The following PALM2AKAP2 variants were observed in gnomAD, a reference collection of about 807,000 sequenced individuals.
PALM2AKAP2 encodes the protein PALM2 and AKAP2 fusion.
PALM2AKAP2 carries 37 observed loss-of-function variants against 71.5 expected under a neutral mutation model. The ratio of observed to expected loss-of-function variants is 0.52; its 90% CI spans 0.40 to 0.68. The LOEUF (loss-of-function observed/expected upper bound fraction) is 0.68, where lower values mean the gene tolerates loss of function less well. Among genes scored for constraint, PALM2AKAP2 ranks in the 30% least tolerant of loss-of-function variants. PALM2AKAP2 has a pLI of 0.00. For synonymous variants in PALM2AKAP2, 468 were observed against 478.8 expected, an observed-to-expected ratio of 0.98 and a Z score of 0.29; for missense variants, 1,224 against 1,191.8, an observed-to-expected ratio of 1.03 and a Z score of -0.40.
At chr9:109,655,982 A>G (rs1019351528) in intron 1 of PALM2AKAP2, among the ~76,000 whole-genome samples, 3 of 152,254 alleles carry the variant, frequency 2.0e-5, no homozygotes, top group Admixed American at 6.5e-5. Context: ...ATGAGCCAGT[A>G]CAGTATTTTC....
intron 2 of PALM2AKAP2, among the ~76,000 whole-genome samples, chr9:110,153,678 C>G (rs1564337517): frequency 6.6e-6 from 1 of 152,230 alleles, no homozygotes; most frequent in Non-Finnish European, 1.5e-5. Context: ...CTGCTGGGAT[C>G]TGGCAATGAT....
At position 110,138,458 on chromosome 9, in the gene PALM2AKAP2, C is replaced by T; in HGVS notation, c.2488C>T (p.Gln830Ter). 6.2e-7 allele frequency: 1 copy of T among 1,614,230 alleles called. No individual in the cohort carries two copies. The highest frequency in any genetic ancestry group is 2.2e-5 in the East Asian group (1 of 44,884). Residue 830 changes from glutamine to a stop codon, truncating the protein, a stop_gained, in exon 2 of 4, where the codon CAA (glutamine) becomes TAA (stop). Coordinates refer to ENST00000374525, the Ensembl canonical transcript of PALM2AKAP2. LOFTEE classifies it high-confidence loss of function. ...GGAAGAGGAGCTGAAGAGGCAGAGA[C>T]AAGTCTTGCAGAGTACGCAGAGCCC... is the stretch of plus-strand genomic sequence containing the variant.
At chr9:109,979,097 A>G (rs1305168543) in intron 6 of PALM2AKAP2, among the ~76,000 whole-genome samples, 1 of 151,682 alleles carries the variant, frequency 6.6e-6, no homozygotes, top group Non-Finnish European at 1.5e-5. Context: ...GTTTCAAGCA[A>G]TCTTCCCACC....
intron 1 of PALM2AKAP2, among the ~76,000 whole-genome samples, chr9:109,841,290 C>T (rs1828661081): frequency 6.7e-6 from 1 of 148,770 alleles, no homozygotes; most frequent in African/African-American, 2.5e-5. Context: ...ACCGCATGTT[C>T]TCACTCATAG....
rs141400994 is a variant in PALM2AKAP2 at position 109,773,038 on chromosome 9, A to C, written c.6-7450A>C. On this transcript the variant is annotated intron_variant, in intron 1 of 6. Coordinates refer to the PALM2AKAP2 transcript ENST00000374531. Reference sequence around the variant, plus strand: ...GAGGCTAAGGCCGGAGAATGGCGTGAACCTGGAAGGCAGAGCTTGCAGTGA... The same window carrying C: ...GAGGCTAAGGCCGGAGAATGGCGTGCACCTGGAAGGCAGAGCTTGCAGTGA... 3.3e-3 allele frequency among the ~76,000 whole-genome samples: 499 copies of C among 152,318 alleles called. 3 individuals are homozygous for C. Among genetic ancestry groups the C allele is most frequent in the Non-Finnish European group, 4.9e-3 (330 of 68,022 alleles).
intron 1 of PALM2AKAP2, among the ~76,000 whole-genome samples, chr9:110,081,072 C>T (rs1834438109): frequency 6.6e-6 from 1 of 152,138 alleles, no homozygotes; most frequent in African/African-American, 2.4e-5. Context: ...TTGAATCCTT[C>T]CGGAGACTGA....
intron 1 of PALM2AKAP2, among the ~76,000 whole-genome samples, chr9:109,726,013 A>G (rs1368542277): frequency 1.3e-5 from 2 of 152,146 alleles, no homozygotes; most frequent in Non-Finnish European, 2.9e-5. Flanking sequence ...CATGTTTTCA[A>G]TTCTATAGCT....
intron 7 of PALM2AKAP2, among the ~76,000 whole-genome samples, chr9:110,030,365 T>C (rs1833258584): frequency 6.6e-6 from 1 of 152,172 alleles, no homozygotes; most frequent in South Asian, 2.1e-4. Context: ...GAGTTGCTAA[T>C]GGCAACTCAA....
chr9:110,037,752 G>A (rs1330615370), intron 7 of PALM2AKAP2, among the ~76,000 whole-genome samples: 1 of 152,194 alleles, frequency 6.6e-6, no homozygotes, highest in Non-Finnish European at 1.5e-5. Context: ...AACAAGGTAG[G>A]CAAGACTATA....
At chr9:110,074,440 A>C (rs1385207008) in intron 1 of PALM2AKAP2, among the ~76,000 whole-genome samples, 3 of 152,186 alleles carry the variant, frequency 2.0e-5, no homozygotes, top group Admixed American at 1.3e-4. Flanking sequence ...ATTAGTAAGA[A>C]CATCATTGGG....
Position 109,854,144 on chromosome 9 carries a change from T to C in PALM2AKAP2, c.46-13347T>C, listed in dbSNP as rs1829091730. On this transcript the variant is annotated intron_variant, in intron 1 of 9. Transcript: ENST00000302798. ...AGTGAGAAGCAGTACCTTTCCCTTG[T>C]TCCCTGCTGAACCACCAGGGTCACT... 3.3e-5 allele frequency among the ~76,000 whole-genome samples: 5 copies of C among 152,288 alleles called. No individual in the cohort carries two copies. In the South Asian group the frequency reaches 6.2e-4, roughly 19 times the overall value.
At chr9:110,165,138 A>ACAT (rs1836702873) in intron 3 of PALM2AKAP2, among the ~76,000 whole-genome samples, 1 of 152,242 alleles carries the variant, frequency 6.6e-6, no homozygotes, top group Non-Finnish European at 1.5e-5. Context: ...TCAAACAGTA[A>ACAT]CATCGTACTT....
chr9:110,087,877 G>A (rs1457403878), intron 1 of PALM2AKAP2, among the ~76,000 whole-genome samples: 1 of 152,174 alleles, frequency 6.6e-6, no homozygotes, highest in Non-Finnish European at 1.5e-5. Flanking sequence ...GTGGTAATAA[G>A]TGCTGAGAAG....
chr9:110,059,480 T>C (rs775338382), intron 1 of PALM2AKAP2, among the ~76,000 whole-genome samples: 1 of 152,242 alleles, frequency 6.6e-6, no homozygotes, highest in Non-Finnish European at 1.5e-5. Context: ...TCTAGACAAG[T>C]TTTGGAACCC....
intron 1 of PALM2AKAP2, among the ~76,000 whole-genome samples, chr9:109,652,876 G>A (rs567531144): frequency 6.6e-6 from 1 of 152,294 alleles, no homozygotes; most frequent in African/African-American, 2.4e-5. Context: ...ATCTGTCAGA[G>A]GCACATAGCC....
chr9:109,692,286 T>C (rs1284550731), intron 1 of PALM2AKAP2, among the ~76,000 whole-genome samples: 7 of 151,900 alleles, frequency 4.6e-5, no homozygotes, highest in Non-Finnish European at 1.0e-4. Context: ...GAGTTTTGCA[T>C]TTTGACTTTG....
intron 1 of PALM2AKAP2, among the ~76,000 whole-genome samples, chr9:109,819,173 AG>A (rs1360957090): frequency 6.6e-6 from 1 of 152,264 alleles, no homozygotes; most frequent in Non-Finnish European, 1.5e-5. Context: ...AGAGCAATAT[AG>A]GTGATGGCAA....
In PALM2AKAP2 at chr9:110,006,456, A is replaced by G. The variant is rs1056494107; in HGVS notation, c.497-9498A>G. On this transcript the variant is annotated intron_variant, in intron 6 of 9. Transcript: ENST00000302798. Reference sequence around the variant, plus strand: ...AGCTTCTACCTCCTGGGCTCAAGTGATGATCCACCTGCCTCAGCCTCCCAA... The same window carrying G: ...AGCTTCTACCTCCTGGGCTCAAGTGGTGATCCACCTGCCTCAGCCTCCCAA... Among the ~76,000 whole-genome samples, 3 of 151,478 alleles carry G rather than the reference A, an allele frequency of 2.0e-5. No individual in the cohort carries two copies. The East Asian group carries it at 5.8e-4, about 29-fold the overall frequency.
exon 2 of PALM2AKAP2, chr9:110,136,493 C>T (rs1196161585): frequency 6.2e-7 from 1 of 1,614,006 alleles, no homozygotes. Context: ...TGCAGTGGTT[C>T]TGGTGGGCGG....
Sources: gnomAD v4.1 joint callset for allele counts (sites outside exome capture counted in the v4.1 genomes callset) on GRCh38, gnomAD v4.1.1 for gene constraint, MANE v1.5 for transcripts, NCBI Gene and HGNC (gene_info 2026-07-23, HGNC 2026-07-21) for gene names.